Variants in ABHD17C observed in about 807,000 individuals in gnomAD.
ABHD17C encodes the protein alpha/beta hydrolase domain-containing protein 17C.
Under a neutral mutation model 27.9 loss-of-function variants are expected in ABHD17C, and 11 were observed. The ratio of observed to expected loss-of-function variants is 0.39; its 90% CI spans 0.25 to 0.65. The LOEUF (loss-of-function observed/expected upper bound fraction) is 0.65. Ranked by LOEUF, ABHD17C falls within the 30% of genes least tolerant of loss-of-function variation. The pLI is 0.45. For synonymous variants in ABHD17C, 233 were observed against 209.1 expected (o/e 1.11, Z -0.98); for missense variants, 280 against 470.2 (o/e 0.60, Z 3.74).
At chr15:80,742,069 G>A (rs1267224900) in intron 1 of ABHD17C, among the ~76,000 whole-genome samples, 1 of 152,204 alleles carries the variant, frequency 6.6e-6, no homozygotes, top group Non-Finnish European at 1.5e-5. Flanking sequence ...TTTTCAGACT[G>A]CAGTTGAGCT....
At chr15:80,726,501 G>GTTTTTTTTTTTTTTTTTTTTTTTTTTTTT (rs10572505) in intron 1 of ABHD17C, among the ~76,000 whole-genome samples, 1 of 94,508 alleles carries the variant, frequency 1.1e-5, no homozygotes, top group African/African-American at 5.4e-5. Context: ...TCTTTTTCTG[G>GTTTTTTTTTTTTTTTTTTTTTTTTTTTTT]TTTTTTTTTT....
At chr15:80,752,149 A>G (rs538191633) in intron 2 of ABHD17C, among the ~76,000 whole-genome samples, 2 of 152,352 alleles carry the variant, frequency 1.3e-5, no homozygotes, top group African/African-American at 4.8e-5. Context: ...CGTGGAGCAT[A>G]GTCCCAGGCC....
At chr15:80,722,050 A>G (rs1340556736) in intron 1 of ABHD17C, among the ~76,000 whole-genome samples, 2 of 152,092 alleles carry the variant, frequency 1.3e-5, no homozygotes, top group Admixed American at 1.3e-4. Context: ...TCTGGGATTC[A>G]GGTGGTTTCC....
intron 1 of ABHD17C, among the ~76,000 whole-genome samples, chr15:80,738,120 G>C (rs1895158937): frequency 6.6e-6 from 1 of 152,120 alleles, no homozygotes; most frequent in South Asian, 2.1e-4. Flanking sequence ...GATTATGCCT[G>C]AGGGATTCTC....
At chr15:80,722,441 A>C (rs368621241) in intron 1 of ABHD17C, among the ~76,000 whole-genome samples, 1 of 151,668 alleles carries the variant, frequency 6.6e-6, no homozygotes, top group East Asian at 1.9e-4. Flanking sequence ...TATTTAATAT[A>C]TACAACTTGA....
chr15:80,714,697 A>T (rs1158118293), intron 1 of ABHD17C, among the ~76,000 whole-genome samples: 1 of 152,012 alleles, frequency 6.6e-6, no homozygotes, highest in Non-Finnish European at 1.5e-5. Flanking sequence ...ATTTCTGTGG[A>T]TTTTGTAGTG....
chr15:80,748,382 C>G (rs1434617164), intron 1 of ABHD17C, among the ~76,000 whole-genome samples: 1 of 152,198 alleles, frequency 6.6e-6, no homozygotes, highest in Non-Finnish European at 1.5e-5. Flanking sequence ...AGTGCTTGTA[C>G]TAATTTACAA....
At chr15:80,704,307 T>C (rs1256718075) in intron 1 of ABHD17C, among the ~76,000 whole-genome samples, 1 of 152,052 alleles carries the variant, frequency 6.6e-6, no homozygotes, top group African/African-American at 2.4e-5. Context: ...GTCCCATTGC[T>C]CTTTCTACAC....
In ABHD17C at chr15:80,754,431, G is replaced by A. The variant is rs940558906; in HGVS notation, c.*61G>A. On this transcript the variant is annotated 3_prime_UTR_variant, in exon 3 of 3. Transcript: ENST00000258884. The stretch of plus-strand genomic sequence containing the variant: ...CAGAAGAGTCCTCTGTTTTGCACAT[G>A]CTTTAACTGGGTAGCTGTAAAGGCT... 6 of 1,408,600 alleles carry A rather than the reference G, an allele frequency of 4.3e-6. No homozygotes were observed. In the African/African-American group the frequency reaches 8.5e-5, roughly 20 times the overall value. 87.3% of individuals were successfully genotyped at this position (1,408,600 alleles called of 1,614,324 possible).
intron 1 of ABHD17C, among the ~76,000 whole-genome samples, chr15:80,719,332 G>A (rs967310049): frequency 1.3e-5 from 2 of 152,202 alleles, no homozygotes; most frequent in South Asian, 2.1e-4. Context: ...GTTATTTTTG[G>A]TTCTTCATTG....
At chr15:80,703,651 G>T (rs1354836691) in intron 1 of ABHD17C, among the ~76,000 whole-genome samples, 1 of 152,156 alleles carries the variant, frequency 6.6e-6, no homozygotes. Flanking sequence ...GAGTGTGCGT[G>T]TGTGCACACA....
At chr15:80,709,964 A>C (rs1894708031) in intron 1 of ABHD17C, among the ~76,000 whole-genome samples, 1 of 152,166 alleles carries the variant, frequency 6.6e-6, no homozygotes, top group Non-Finnish European at 1.5e-5. Flanking sequence ...GCCCATGAAA[A>C]ACAGTAATCA....
At chr15:80,707,289 A>T (rs1210683329) in intron 1 of ABHD17C, among the ~76,000 whole-genome samples, 2 of 152,230 alleles carry the variant, frequency 1.3e-5, no homozygotes, top group African/African-American at 4.8e-5. Context: ...CTTGAAGAAC[A>T]TACAGTGGCC....
At chr15:80,696,863 A>G (rs930120629) in intron 1 of ABHD17C, among the ~76,000 whole-genome samples, 3 of 152,216 alleles carry the variant, frequency 2.0e-5, no homozygotes, top group Non-Finnish European at 2.9e-5. Context: ...AGTCTTATAC[A>G]TGTGCAGGTC....
At chr15:80,726,601 C>T (rs527883505) in intron 1 of ABHD17C, among the ~76,000 whole-genome samples, 4 of 150,564 alleles carry the variant, frequency 2.7e-5, no homozygotes, top group Non-Finnish European at 5.9e-5. Context: ...AAGCTCCGCC[C>T]CCCCGCGTTC....
chr15:80,739,850 G>A (rs1314076311), intron 1 of ABHD17C, among the ~76,000 whole-genome samples: 2 of 130,830 alleles, frequency 1.5e-5, no homozygotes, highest in Non-Finnish European at 3.3e-5. Context: ...GAATTTACAG[G>A]TGGGCTGCTG....
intron 1 of ABHD17C, among the ~76,000 whole-genome samples, chr15:80,746,468 T>C (rs919849448): frequency 5.3e-5 from 8 of 152,122 alleles, no homozygotes; most frequent in Non-Finnish European, 1.0e-4. Flanking sequence ...AGTGCTTTTT[T>C]GTGTTTTACC....
intron 1 of ABHD17C, among the ~76,000 whole-genome samples, chr15:80,696,843 A>G (rs954820748): frequency 1.3e-5 from 2 of 152,232 alleles, no homozygotes; most frequent in Non-Finnish European, 2.9e-5. Context: ...TTTATTCACT[A>G]TTAGACAAAA....
At chr15:80,705,331 A>ATT (rs529176453) in intron 1 of ABHD17C, among the ~76,000 whole-genome samples, 13 of 60,412 alleles carry the variant, frequency 2.2e-4, no homozygotes, top group South Asian at 9.0e-4. Flanking sequence ...GCTTCCTATG[A>ATT]TTTGTGTGTG....
Sources: allele counts gnomAD v4.1 joint callset (sites outside exome capture counted in the v4.1 genomes callset), GRCh38; gene constraint gnomAD v4.1.1; transcripts MANE v1.5; gene names NCBI Gene and HGNC (gene_info 2026-07-23, HGNC 2026-07-21).